The following TRAF1 variants were observed in gnomAD, a reference collection of about 807,000 sequenced individuals.
TRAF1 encodes TNF receptor-associated factor 1.
Under a neutral mutation model 40.9 loss-of-function variants are expected in TRAF1, and 23 were observed. The ratio of observed to expected loss-of-function variants is 0.56; its 90% CI spans 0.40 to 0.80. The LOEUF is 0.80. Among genes scored for constraint, TRAF1 ranks in the 30% least tolerant of loss-of-function variants. The pLI is 0.00. For synonymous variants in TRAF1, 206 were observed against 218.8 expected, an observed-to-expected ratio of 0.94 and a Z score of 0.52; for missense variants, 477 against 528.7, an observed-to-expected ratio of 0.90 and a Z score of 0.96.
At chr9:120,925,874 C>T in intron 2 of TRAF1, 62 bp downstream of exon 2, 1 of 1,607,720 alleles carries the variant, frequency 6.2e-7, no homozygotes, top group Non-Finnish European at 8.5e-7. Context: ...CCCTCACCTC[C>T]CATCAGGGGT....
At chr9:120,923,050 G>T (rs2046615197) in intron 3 of TRAF1, among the ~76,000 whole-genome samples, 1 of 152,010 alleles carries the variant, frequency 6.6e-6, no homozygotes, top group Admixed American at 6.5e-5. Context: ...TGTTGCCCAG[G>T]CTAGTATCAA....
At chr9:120,912,026 C>T (rs762661342) in intron 5 of TRAF1, among the ~76,000 whole-genome samples, 55 of 152,162 alleles carry the variant, frequency 3.6e-4, no homozygotes, top group Admixed American at 8.5e-4. Flanking sequence ...TCCAACTCAG[C>T]GCCTGGCCCT....
intron 6 of TRAF1, 80 bp from the exon 7 acceptor site, chr9:120,909,458 C>G (rs2046509562): frequency 1.3e-6 from 2 of 1,537,674 alleles, no homozygotes; most frequent in Non-Finnish European, 1.8e-6. Flanking sequence ...TCAGGCATGC[C>G]CAAGGTCAGC....
At chr9:120,911,841 G>C (rs561834436) in intron 5 of TRAF1, among the ~76,000 whole-genome samples, 13 of 152,122 alleles carry the variant, frequency 8.5e-5, no homozygotes, top group Non-Finnish European at 1.5e-4. Context: ...CTCCTCCACC[G>C]AAAGCTGGGC....
At position 120,915,573 on chromosome 9, in the gene TRAF1, C is replaced by G. The variant is rs559052710; in HGVS notation, c.229-1273G>C. Among the ~76,000 whole-genome samples the G allele has an allele frequency of 2.8e-4, 42 of 152,280 alleles. 1 individual carries two copies. The South Asian group carries it at 3.9e-3, about 14-fold the overall frequency. On this transcript the variant is annotated intron_variant, in intron 3 of 7. Transcript: ENST00000373887. ...ACAGCCAGGCTCAGTGGCTCAACAC[C>G]TGTAAGCTCAACACTTTGGGAGGCT...
rs369428051 is a variant in TRAF1, at chr9:120,909,238, G to A, written c.1024C>T (p.Arg342Trp). 5.6e-6 allele frequency: 9 copies of A among 1,613,680 alleles called. No homozygotes were observed. Among genetic ancestry groups the A allele is most frequent in the African/African-American group, 4.0e-5 (3 of 74,868 alleles). Residue 342 changes from arginine (R) to tryptophan (W), a missense_variant, in exon 7 of 8, where the codon CGG becomes TGG. Coordinates refer to ENST00000373887, the MANE Select transcript of TRAF1 (RefSeq NM_005658.5). ...EYDALLPWPF[R>W]NKVTFMLLDQ... ...CACCTTCACACCCATACCTTGTTCC[G>A]GAAGGGCCACGGCAGCAGCGCATCA...
chr9:120,911,353 A>G lies in TRAF1; in HGVS notation c.866T>C (p.Val289Ala). 1 of 1,613,306 alleles carries G rather than the reference A, an allele frequency of 6.2e-7. No individual in the cohort carries two copies. Among genetic ancestry groups the G allele is most frequent in the Non-Finnish European group, 8.5e-7 (1 of 1,179,922 alleles). Reference sequence around the variant, plus strand: ...GGTGTTACCTGGGGAGAAGAGGCTGACGGTCCTGCCACAGGCCGACTCATG... The same window carrying G: ...GGTGTTACCTGGGGAGAAGAGGCTGGCGGTCCTGCCACAGGCCGACTCATG... ...RCHESACGRT[V>A]SLFSPAFYTA... Residue 289 changes from valine to alanine, a missense_variant, in exon 6 of 8, where the codon GTC becomes GCC. Physicochemically the swap from Val to Ala is moderately conservative, Grantham distance 64. Coordinates refer to ENST00000373887, the MANE Select transcript of TRAF1 (RefSeq NM_005658.5).
intron 7 of TRAF1, among the ~76,000 whole-genome samples, chr9:120,906,781 C>G (rs1015344961): frequency 6.6e-6 from 1 of 152,196 alleles, no homozygotes; most frequent in Non-Finnish European, 1.5e-5. Flanking sequence ...AGTTTCACTG[C>G]TCCCAAAATC....
intron 3 of TRAF1, among the ~76,000 whole-genome samples, chr9:120,923,452 G>A (rs74702703): frequency 1.3e-5 from 2 of 152,204 alleles, no homozygotes; most frequent in African/African-American, 4.8e-5. Context: ...GCCAGAATGT[G>A]GCCCATGAAC....
In TRAF1 at chr9:120,913,637, A is replaced by G. The variant is rs2046547371; in HGVS notation, c.396T>C (p.Cys132=). 1 of 1,613,506 alleles carries G rather than the reference A, an allele frequency of 6.2e-7. No individual in the cohort carries two copies. The highest frequency in any genetic ancestry group is 1.1e-5 in the South Asian group (1 of 91,070). The change falls in exon 5 of 8, where the codon TGT becomes TGC. Residue 132 remains cysteine, a synonymous_variant. Coordinates refer to ENST00000373887, the MANE Select transcript of TRAF1 (RefSeq NM_005658.5). The part of the protein sequence containing the change: ...FMKQWKARLG[C]GLESGPMALE... ...GGGCCATGGGCCCAGACTCCAGGCC[A>G]CAGCCCAGCCGGGCCTTCCACTGTT...
chr9:120,918,285 T>G (rs2046582098), intron 3 of TRAF1, among the ~76,000 whole-genome samples: 1 of 152,170 alleles, frequency 6.6e-6, no homozygotes, highest in Non-Finnish European at 1.5e-5. Flanking sequence ...AGGACATTAT[T>G]CTGCCTAACA....
At chr9:120,910,156 G>C (rs757071301) in intron 6 of TRAF1, among the ~76,000 whole-genome samples, 1 of 152,246 alleles carries the variant, frequency 6.6e-6, no homozygotes, top group Non-Finnish European at 1.5e-5. Context: ...CAGGCAGGAA[G>C]AGGGTGGAGG....
At position 120,923,799 on chromosome 9, in the gene TRAF1, A is replaced by T. The variant is rs1379979286; in HGVS notation, c.141-7T>A. 6.2e-7 allele frequency: 1 copy of T among 1,613,660 alleles called. No individual in the cohort carries two copies. Among genetic ancestry groups the T allele is most frequent in the African/African-American group, 1.3e-5 (1 of 74,866 alleles). ...GATCTGATCCTCGCCATTCCTGGGG[A>T]AACATGGACAAAGCCTTGGAGAGAG... is the stretch of plus-strand genomic sequence containing the variant. On this transcript the variant is annotated splice_polypyrimidine_tract_variant and splice_region_variant and intron_variant, in intron 2 of 7. Transcript: ENST00000373887.
Position 120,909,548 on chromosome 9 carries a change from G to T in TRAF1, c.884-170C>A, listed in dbSNP as rs539985424. ...GTCAGACAGGAATGGGCTCTTGGGGGTCATCTAGCTTAGTGTTTGTCAGCT... is the reference window on the plus strand; with the variant it reads ...GTCAGACAGGAATGGGCTCTTGGGGTTCATCTAGCTTAGTGTTTGTCAGCT... On this transcript the variant is annotated intron_variant, in intron 6 of 7. Transcript: ENST00000373887. Among the ~76,000 whole-genome samples the T allele has an allele frequency of 3.3e-3, 495 of 152,266 alleles. 4 individuals carry two copies. The highest frequency in any genetic ancestry group is 2.8e-3 in the Non-Finnish European group (193 of 68,024).
chr9:120,923,765 T>C lies in TRAF1; in HGVS notation c.168A>G (p.Lys56=), dbSNP rs1240876124. The C allele has an allele frequency of 2.5e-6, 4 of 1,613,956 alleles. No individual in the cohort carries two copies. Among genetic ancestry groups the C allele is most frequent in the Non-Finnish European group, 3.4e-6 (4 of 1,180,004 alleles). ...PRNGEDQICP[K]CRGEDLQSIS... ...TAGACTGGAGGTCTTCCCCTCTGCA[T>C]TTGGGGCAGATCTGATCCTCGCCAT... Residue 56 remains lysine (K), a synonymous_variant, in exon 3 of 8, where the codon AAA becomes AAG. Transcript: ENST00000373887.
chr9:120,906,994 G>A (rs2046487909), intron 7 of TRAF1, among the ~76,000 whole-genome samples: 1 of 152,118 alleles, frequency 6.6e-6, no homozygotes, highest in Non-Finnish European at 1.5e-5. Context: ...TCAGCCTCCA[G>A]AGTAGATGGG....
At chr9:120,920,543 A>G (rs1588152537) in intron 3 of TRAF1, among the ~76,000 whole-genome samples, 1 of 152,086 alleles carries the variant, frequency 6.6e-6, no homozygotes, top group East Asian at 1.9e-4. Context: ...GGGAGAAACA[A>G]TCCCATTTGC....
At chr9:120,911,055 T>C (rs1435521212) in intron 6 of TRAF1, among the ~76,000 whole-genome samples, 3 of 152,220 alleles carry the variant, frequency 2.0e-5, no homozygotes, top group Non-Finnish European at 4.4e-5. Flanking sequence ...TGATTCCTAT[T>C]TGCAGAATGG....
chr9:120,914,202 G>A (rs376904002), intron 4 of TRAF1, 33 bp downstream of exon 4: 2 of 1,488,572 alleles, frequency 1.3e-6, no homozygotes, highest in Non-Finnish European at 1.8e-6. Flanking sequence ...AACCATAGTG[G>A]ATAGATCTCC....
Sources: gnomAD v4.1 joint callset for allele counts (sites outside exome capture counted in the v4.1 genomes callset) on GRCh38, gnomAD v4.1.1 for gene constraint, MANE v1.5 for transcripts, NCBI Gene and HGNC (gene_info 2026-07-23, HGNC 2026-07-21) for gene names.